Variants in TRAPPC3L observed in about 807,000 individuals in gnomAD.
TRAPPC3L encodes the protein trafficking protein particle complex subunit 3L.
Under a neutral mutation model 23.7 loss-of-function variants are expected in TRAPPC3L, and 23 were observed. That is an observed-to-expected ratio of 0.97 (90% confidence interval 0.70 to 1.37). The LOEUF is 1.37. TRAPPC3L is among the 40% of genes most tolerant of loss of function. The probability of loss-of-function intolerance (pLI) is 0.00; values close to 1 mark genes in which losing one functional copy is unlikely to be tolerated. For synonymous variants in TRAPPC3L, 81 were observed against 77.9 expected (o/e 1.04, Z -0.21); for missense variants, 212 against 216.8 (o/e 0.98, Z 0.14).
chr6:116,511,989 A>G lies in TRAPPC3L; in HGVS notation c.241-11323T>C, dbSNP rs760224823. The G allele has an allele frequency of 2.5e-6, 4 of 1,613,966 alleles. No homozygotes were observed. The highest frequency in any genetic ancestry group is 3.4e-6 in the Non-Finnish European group (4 of 1,179,982). ...AGAGGCCACAGCTGCCGTTTCTTCT[A>G]CGTCCTCGGCCAGATCACTCTGAGC... is the stretch of plus-strand genomic sequence containing the variant. On this transcript the variant is annotated intron_variant, in intron 3 of 4. Transcript: ENST00000368602.
intron 2 of TRAPPC3L, 72 bp downstream of exon 2, chr6:116,543,231 T>C: frequency 1.1e-5 from 12 of 1,131,568 alleles, no homozygotes; most frequent in Non-Finnish European, 1.5e-5. Context: ...AAGGAAGTCA[T>C]TAGAGGCAGA....
chr6:116,525,443 T>C (rs915851287), intron 3 of TRAPPC3L, among the ~76,000 whole-genome samples: 2 of 152,170 alleles, frequency 1.3e-5, no homozygotes, highest in Admixed American at 1.3e-4. Context: ...TTTCCTTAGA[T>C]AAAAATGACA....
rs576057612 is a variant in TRAPPC3L, at chr6:116,500,392, G to A, written c.426+89C>T. ...CACCATTAGATAACCAATATACCCA[G>A]CAAAATGAATTATGTATATTGGTTA... On this transcript the variant is annotated intron_variant, in intron 4 of 4. Transcript: ENST00000368602. 1.1e-5 allele frequency: 14 copies of A among 1,221,598 alleles called. 1 individual carries two copies. The South Asian group carries it at 1.4e-4, about 12-fold the overall frequency. 75.7% of individuals were successfully genotyped at this position (1,221,598 alleles called of 1,614,324 possible).
chr6:116,515,698 T>G (rs777580142), intron 3 of TRAPPC3L: 61 of 1,613,710 alleles, frequency 3.8e-5, no homozygotes, highest in Non-Finnish European at 5.1e-5. Flanking sequence ...TTCAGCTGAG[T>G]TTTTGGAAGA....
intron 3 of TRAPPC3L, among the ~76,000 whole-genome samples, chr6:116,539,714 A>G (rs1342386124): frequency 1.3e-5 from 2 of 152,176 alleles, no homozygotes; most frequent in East Asian, 3.8e-4. Context: ...GACTGACTTA[A>G]TTGATCAGTT....
intron 3 of TRAPPC3L, among the ~76,000 whole-genome samples, chr6:116,507,808 CT>C (rs35170679): frequency 0.38 from 56,998 of 151,962 alleles, 12,362 homozygotes; most frequent in East Asian, 0.56. Context: ...GCAAAAACAT[CT>C]GCTGTTTTAC....
At chr6:116,529,421 A>G (rs1772562130) in intron 3 of TRAPPC3L, among the ~76,000 whole-genome samples, 2 of 152,216 alleles carry the variant, frequency 1.3e-5, no homozygotes, top group Admixed American at 1.3e-4. Flanking sequence ...GTCTAATGGA[A>G]GGGAAATATG....
intron 3 of TRAPPC3L, chr6:116,516,069 G>T: frequency 6.8e-7 from 1 of 1,472,008 alleles, no homozygotes. Flanking sequence ...AGCAACCTGT[G>T]TGTCTCTGTA....
At chr6:116,541,948 G>C (rs1773490233) in intron 2 of TRAPPC3L, among the ~76,000 whole-genome samples, 1 of 152,140 alleles carries the variant, frequency 6.6e-6, no homozygotes, top group Non-Finnish European at 1.5e-5. Flanking sequence ...CTTAAGGAAA[G>C]ATCTTTCTGC....
At chr6:116,505,203 A>G (rs1742016012) in intron 3 of TRAPPC3L, among the ~76,000 whole-genome samples, 1 of 152,222 alleles carries the variant, frequency 6.6e-6, no homozygotes. Context: ...CAAAAATCAC[A>G]AGCATTCTTA....
chr6:116,523,280 T>G (rs1772378398), intron 3 of TRAPPC3L: 1 of 152,186 alleles, frequency 6.6e-6, no homozygotes, highest in African/African-American at 2.4e-5. Context: ...AGGATATATT[T>G]TGTCCTTTAG....
intron 3 of TRAPPC3L, among the ~76,000 whole-genome samples, chr6:116,525,201 G>T (rs899800960): frequency 3.0e-4 from 45 of 152,224 alleles, no homozygotes; most frequent in African/African-American, 1.1e-3. Context: ...CAACTCTGTT[G>T]TCCTAAATCT....
chr6:116,540,428 A>G lies in TRAPPC3L; in HGVS notation c.175T>C (p.Phe59Leu), dbSNP rs200510309. ...CTTCCCACGCAGGATCGAGCCAAAAAGTCTTCCACAAGCCGCGTTCCAATG... is the reference window on the plus strand; with the variant it reads ...CTTCCCACGCAGGATCGAGCCAAAAGGTCTTCCACAAGCCGCGTTCCAATG... The part of the protein sequence containing the change: ...YGIGTRLVED[F>L]LARSCVGRCH... Residue 59 changes from phenylalanine to leucine, a missense_variant, in exon 3 of 5, where the codon TTT becomes CTT. Physicochemically the swap from Phe to Leu is conservative, Grantham distance 22. Coordinates refer to ENST00000368602, the MANE Select transcript of TRAPPC3L (RefSeq NM_001139444.3). 3.5e-5 allele frequency: 55 copies of G among 1,551,382 alleles called. No homozygotes were observed. The African/African-American group carries it at 5.2e-4, about 15-fold the overall frequency.
intron 3 of TRAPPC3L, chr6:116,520,772 T>C (rs1583273299): frequency 6.6e-6 from 1 of 152,406 alleles, no homozygotes; most frequent in African/African-American, 2.4e-5. Context: ...GGAAATGTTA[T>C]CTGGATTTCA....
intron 3 of TRAPPC3L, among the ~76,000 whole-genome samples, chr6:116,506,412 G>C (rs1448025870): frequency 6.6e-6 from 1 of 152,156 alleles, no homozygotes; most frequent in Non-Finnish European, 1.5e-5. Context: ...TTACACTGTT[G>C]GTGGGAGTGT....
chr6:116,501,527 G>T (rs1367999597), intron 3 of TRAPPC3L, among the ~76,000 whole-genome samples: 2 of 152,202 alleles, frequency 1.3e-5, no homozygotes, highest in Non-Finnish European at 2.9e-5. Flanking sequence ...CTTCCAGCAT[G>T]GTGTTTGAGC....
chr6:116,516,381 A>G (rs1391297631), intron 3 of TRAPPC3L: 1 of 158,336 alleles, frequency 6.3e-6, no homozygotes, highest in Non-Finnish European at 1.4e-5. Context: ...TGCCCTACAC[A>G]GTGGCTCCTG....
chr6:116,501,289 G>C (rs981927852), intron 3 of TRAPPC3L, among the ~76,000 whole-genome samples: 7 of 152,182 alleles, frequency 4.6e-5, no homozygotes, highest in African/African-American at 1.7e-4. Flanking sequence ...AGCTTGGCGG[G>C]GGGAGGGGTG....
At chr6:116,543,853 C>T in intron 1 of TRAPPC3L, 1 of 1,533,658 alleles carries the variant, frequency 6.5e-7, no homozygotes. Flanking sequence ...CAGGATAAAC[C>T]CAAATGTAGC....
Sources: gnomAD v4.1 joint callset for allele counts (sites outside exome capture counted in the v4.1 genomes callset) on GRCh38, gnomAD v4.1.1 for gene constraint, MANE v1.5 for transcripts, NCBI Gene and HGNC (gene_info 2026-07-23, HGNC 2026-07-21) for gene names.